UBE3D: variants seen among roughly 807,000 people sequenced by gnomAD.
UBE3D encodes ubiquitin protein ligase E3D.
A neutral mutation model predicts 49.6 loss-of-function variants in UBE3D; 48 were observed. The ratio of observed to expected loss-of-function variants is 0.97; its 90% CI spans 0.77 to 1.23. UBE3D has a LOEUF of 1.23. UBE3D is among the 50% of genes most tolerant of loss of function. The pLI, the probability that UBE3D is intolerant of heterozygous loss-of-function variation, is 0.00. For missense variants in UBE3D, 452 were observed against 468.4 expected (o/e 0.96, Z 0.32); for synonymous variants, 189 against 174.2 (o/e 1.08, Z -0.67).
intron 1 of UBE3D, among the ~76,000 whole-genome samples, chr6:83,060,573 T>C (rs1337137138): frequency 1.3e-5 from 2 of 152,218 alleles, no homozygotes; most frequent in Non-Finnish European, 2.9e-5. Context: ...CCAACAGTGA[T>C]GAGTACACTT....
chr6:82,938,641 ATGT>A (rs1180782291), intron 9 of UBE3D: 2 of 152,214 alleles, frequency 1.3e-5, no homozygotes, highest in Non-Finnish European at 2.9e-5. Flanking sequence ...CTGTGACTAG[ATGT>A]TGTTATAATT....
downstream of UBE3D, among the ~76,000 whole-genome samples, chr6:82,887,389 GTTTTTTTTT>G (rs752438556): frequency 2.0e-5 from 2 of 98,330 alleles, 1 homozygote; most frequent in East Asian, 5.9e-4. Flanking sequence ...GACAGTAACA[GTTTTTTTTT>G]TTTTTTTTTT....
intron 3 of UBE3D, among the ~76,000 whole-genome samples, chr6:83,050,487 T>C (rs1349928051): frequency 6.6e-6 from 1 of 152,212 alleles, no homozygotes; most frequent in East Asian, 1.9e-4. Flanking sequence ...CTTAACTCTG[T>C]TCCCCTGCTC....
rs570455419 is a variant in UBE3D, at chr6:83,006,928, T to C, written c.1010+12045A>G. Among the ~76,000 whole-genome samples, 8 of 152,282 alleles carry C rather than the reference T, an allele frequency of 5.3e-5. No homozygotes were observed. In the South Asian group the frequency reaches 1.7e-3, roughly 32 times the overall value. ...GTGTTATGTGTTTTTAAACATAATT[T>C]TTAAAATTAAGTAGAGTTTCAATTT... is the stretch of plus-strand genomic sequence containing the variant. On this transcript the variant is annotated intron_variant, in intron 8 of 9. Transcript: ENST00000369747.
intron 8 of UBE3D, among the ~76,000 whole-genome samples, chr6:82,967,167 T>C (rs1044688498): frequency 1.7e-4 from 26 of 152,202 alleles, no homozygotes; most frequent in African/African-American, 5.8e-4. Context: ...TGTTCTGAGA[T>C]AATTGTAGAG....
downstream of UBE3D, among the ~76,000 whole-genome samples, chr6:82,891,285 G>A (rs2127708628): frequency 6.6e-6 from 1 of 152,278 alleles, no homozygotes; most frequent in South Asian, 2.1e-4. Context: ...CTGTGCTAAT[G>A]GAATCTAGTG....
the UBE3D span, among the ~76,000 whole-genome samples, chr6:82,880,823 T>G: frequency 2.0e-5 from 3 of 152,170 alleles, no homozygotes; most frequent in Non-Finnish European, 4.4e-5. Context: ...AGAAATTTAT[T>G]TCTCACAGTT....
At chr6:83,025,794 A>G (rs1475222426) in intron 5 of UBE3D, among the ~76,000 whole-genome samples, 4 of 150,520 alleles carry the variant, frequency 2.7e-5, no homozygotes, top group African/African-American at 9.8e-5. Context: ...GAGGCAGGAT[A>G]ATTGCTTGAA....
At chr6:83,031,982 G>A (rs1043526265) in intron 5 of UBE3D, among the ~76,000 whole-genome samples, 8 of 152,192 alleles carry the variant, frequency 5.3e-5, no homozygotes, top group African/African-American at 7.2e-5. Flanking sequence ...GTATGGAAAC[G>A]CCTGGATGTC....
At chr6:82,896,160 C>T (rs541443771) in intron 9 of UBE3D, among the ~76,000 whole-genome samples, 8 of 152,248 alleles carry the variant, frequency 5.3e-5, no homozygotes, top group East Asian at 1.9e-4. Flanking sequence ...ATATTTCAAA[C>T]GCTGATTTTG....
chr6:82,944,728 C>T (rs1312532522), intron 9 of UBE3D, among the ~76,000 whole-genome samples: 4 of 152,188 alleles, frequency 2.6e-5, no homozygotes, highest in Non-Finnish European at 4.4e-5. Flanking sequence ...CAAAGGGGTG[C>T]CCACTGCCCT....
At chr6:83,010,418 G>A (rs896122491) in intron 8 of UBE3D, among the ~76,000 whole-genome samples, 2 of 152,000 alleles carry the variant, frequency 1.3e-5, no homozygotes, top group Middle Eastern at 3.2e-3. Context: ...AGTTCATAAG[G>A]TATATCTTAA....
At chr6:82,992,514 C>T (rs1327616541) in intron 8 of UBE3D, among the ~76,000 whole-genome samples, 7 of 152,136 alleles carry the variant, frequency 4.6e-5, no homozygotes, top group African/African-American at 7.2e-5. Context: ...TGAGCCACCA[C>T]GCCCAGCTGA....
At chr6:82,904,435 T>C (rs185702195) in intron 9 of UBE3D, among the ~76,000 whole-genome samples, 3 of 152,260 alleles carry the variant, frequency 2.0e-5, no homozygotes, top group East Asian at 1.9e-4. Context: ...CAGAAAAATA[T>C]AGGCTCTTGG....
intron 8 of UBE3D, among the ~76,000 whole-genome samples, chr6:82,957,756 A>G (rs1011520018): frequency 6.6e-6 from 1 of 152,128 alleles, no homozygotes; most frequent in African/African-American, 2.4e-5. Flanking sequence ...AACGGCTAAC[A>G]CACTGAATGC....
intron 1 of UBE3D, among the ~76,000 whole-genome samples, chr6:83,063,796 G>C (rs1784328311): frequency 6.6e-6 from 1 of 152,118 alleles, no homozygotes; most frequent in South Asian, 2.1e-4. Flanking sequence ...CGTGCAAACT[G>C]GTACAATCAC....
intron 9 of UBE3D, among the ~76,000 whole-genome samples, chr6:82,893,711 G>A (rs959517169): frequency 1.3e-5 from 2 of 152,188 alleles, no homozygotes; most frequent in Non-Finnish European, 2.9e-5. Context: ...GTCAAGTATA[G>A]AGCAGAGATA....
intron 1 of UBE3D, among the ~76,000 whole-genome samples, chr6:83,060,936 C>A (rs935098343): frequency 2.0e-5 from 3 of 152,116 alleles, no homozygotes; most frequent in African/African-American, 7.2e-5. Flanking sequence ...TGATGAGGAA[C>A]AGGGTATTTA....
At chr6:82,959,430 A>G (rs546585295) in intron 8 of UBE3D, among the ~76,000 whole-genome samples, 2 of 151,950 alleles carry the variant, frequency 1.3e-5, no homozygotes, top group African/African-American at 4.8e-5. Context: ...CCTGGGTCAC[A>G]GAACTTCATT....
Sources: allele counts gnomAD v4.1 joint callset (sites outside exome capture counted in the v4.1 genomes callset), GRCh38; gene constraint gnomAD v4.1.1; transcripts MANE v1.5; gene names NCBI Gene and HGNC (gene_info 2026-07-23, HGNC 2026-07-21).